IL1RAPL2: variants seen among roughly 807,000 people sequenced by gnomAD.
IL1RAPL2 encodes the protein interleukin 1 receptor accessory protein like 2, also known as X-linked interleukin-1 receptor accessory protein-like 2.
A neutral mutation model predicts 44.1 loss-of-function variants in IL1RAPL2; 3 were observed. The observed-to-expected ratio is 0.07, with a 90% confidence interval of 0.03 to 0.18. The LOEUF (loss-of-function observed/expected upper bound fraction) is 0.18, where lower values mean the gene tolerates loss of function less well. IL1RAPL2 is among the 10% of genes least tolerant of loss of function. IL1RAPL2 has a pLI of 1.00. For missense variants in IL1RAPL2, 391 were observed against 496.4 expected, an observed-to-expected ratio of 0.79 and a Z score of 2.02; for synonymous variants, 181 against 178.8, an observed-to-expected ratio of 1.01 and a Z score of -0.10.
intron 7 of IL1RAPL2, among the ~76,000 whole-genome samples, chrX:105,734,818 C>T (rs1025457922): frequency 1.2e-4 from 13 of 111,559 alleles, no homozygotes; most frequent in African/African-American, 3.3e-4. Context: ...AACTTAGTAG[C>T]GCTTATGTAG....
At chrX:104,584,884 A>G (rs1259289673) in intron 1 of IL1RAPL2, among the ~76,000 whole-genome samples, 1 of 109,800 alleles carries the variant, frequency 9.1e-6, no homozygotes, top group Non-Finnish European at 1.9e-5. Flanking sequence ...CTCAGTAAAA[A>G]CCCATTACTG....
intron 3 of IL1RAPL2, among the ~76,000 whole-genome samples, chrX:105,216,503 G>T (rs1460551266): frequency 9.0e-6 from 1 of 110,870 alleles, no homozygotes; most frequent in Non-Finnish European, 1.9e-5. Context: ...AATTAATATT[G>T]TGAAAGTGGC....
intron 2 of IL1RAPL2, among the ~76,000 whole-genome samples, chrX:104,973,903 AAT>A (rs1265385716): frequency 8.9e-6 from 1 of 112,066 alleles, no homozygotes; most frequent in Non-Finnish European, 1.9e-5. Context: ...TCTTGCAAAA[AAT>A]ATATTTTCTG....
intron 2 of IL1RAPL2, among the ~76,000 whole-genome samples, chrX:104,692,356 A>G (rs1445592355): frequency 1.8e-5 from 2 of 110,054 alleles, no homozygotes; most frequent in Admixed American, 9.8e-5. Flanking sequence ...TTATATATAT[A>G]TATATTTATT....
At chrX:105,219,858 C>A in intron 3 of IL1RAPL2, 1 of 1,076,184 alleles carries the variant, frequency 9.3e-7, no homozygotes, top group Non-Finnish European at 1.2e-6. Context: ...CGGGGCAGGG[C>A]GAAGCCATGG....
intron 2 of IL1RAPL2, among the ~76,000 whole-genome samples, chrX:104,840,762 C>T (rs1201987053): frequency 2.7e-5 from 3 of 110,113 alleles, no homozygotes; most frequent in East Asian, 5.7e-4. Flanking sequence ...GCAACCTCCA[C>T]CTCCTGGGTT....
chrX:105,654,402 C>T (rs749757600), intron 6 of IL1RAPL2, among the ~76,000 whole-genome samples: 1 of 110,996 alleles, frequency 9.0e-6, no homozygotes, highest in Non-Finnish European at 1.9e-5. Flanking sequence ...CTTACCTTAG[C>T]CTGTGAAACA....
intron 5 of IL1RAPL2, among the ~76,000 whole-genome samples, chrX:105,342,023 G>A (rs942390171): frequency 9.1e-6 from 1 of 109,508 alleles, no homozygotes; most frequent in Admixed American, 9.8e-5. Context: ...CATGGATGAA[G>A]CTGGAAACCA....
At chrX:104,812,116 G>A (rs925885259) in intron 2 of IL1RAPL2, among the ~76,000 whole-genome samples, 5 of 110,651 alleles carry the variant, frequency 4.5e-5, no homozygotes, top group African/African-American at 9.9e-5. Context: ...CATTTCAACC[G>A]ACAAACATTC....
At chrX:105,184,751 A>G (rs1214435474) in intron 2 of IL1RAPL2, among the ~76,000 whole-genome samples, 5 of 110,973 alleles carry the variant, frequency 4.5e-5, no homozygotes, top group African/African-American at 1.6e-4. Context: ...AGTGAAATTT[A>G]TAGGTAATAT....
At chrX:105,643,723 C>G (rs1332591505) in intron 6 of IL1RAPL2, among the ~76,000 whole-genome samples, 1 of 111,470 alleles carries the variant, frequency 9.0e-6, no homozygotes, top group Non-Finnish European at 1.9e-5. Flanking sequence ...CCTTTCATGT[C>G]CAGTCAGTCC....
chrX:105,373,236 T>C (rs891900522), intron 5 of IL1RAPL2, among the ~76,000 whole-genome samples: 2 of 112,562 alleles, frequency 1.8e-5, no homozygotes, highest in African/African-American at 6.5e-5. Flanking sequence ...TGAAATCACA[T>C]TGTGGTTTTG....
At chrX:105,069,110 A>G (rs1368270963) in intron 2 of IL1RAPL2, among the ~76,000 whole-genome samples, 2 of 111,760 alleles carry the variant, frequency 1.8e-5, no homozygotes, top group Non-Finnish European at 3.8e-5. Context: ...TAGGAAGTGA[A>G]GGAGGCTTCT....
chrX:104,835,577 C>T (rs1921721214), intron 2 of IL1RAPL2, among the ~76,000 whole-genome samples: 2 of 111,340 alleles, frequency 1.8e-5, no homozygotes, highest in South Asian at 3.8e-4. Flanking sequence ...TTTCCTAATA[C>T]TCCCAGTTCC....
chrX:105,404,396 A>G (rs1168998590), intron 5 of IL1RAPL2, among the ~76,000 whole-genome samples: 2 of 112,058 alleles, frequency 1.8e-5, no homozygotes, highest in East Asian at 5.6e-4. Flanking sequence ...CCCCTAGGTT[A>G]CCTCATCACA....
intron 5 of IL1RAPL2, among the ~76,000 whole-genome samples, chrX:105,301,513 C>T (rs142073349): frequency 9.0e-6 from 1 of 110,905 alleles, no homozygotes; most frequent in Non-Finnish European, 1.9e-5. Flanking sequence ...ATCTTCCCCC[C>T]GCCCTCCCAC....
At chrX:105,662,605 A>T (rs2037728653) in intron 6 of IL1RAPL2, among the ~76,000 whole-genome samples, 1 of 112,313 alleles carries the variant, frequency 8.9e-6, no homozygotes, top group Non-Finnish European at 1.9e-5. Flanking sequence ...TAACAAATAG[A>T]GTAAAACAAA....
rs963909691 is a variant in IL1RAPL2 at position 105,229,308 on chromosome X, A to G, written c.357-4510A>G. On this transcript the variant is annotated intron_variant, in intron 3 of 10. Coordinates refer to ENST00000372582, the MANE Select transcript of IL1RAPL2 (RefSeq NM_017416.2). ...AAATCAACCTGAGTTTCAGACTGTC[A>G]GGCAGCATTGATTATACCTCCCCCA... is the stretch of plus-strand genomic sequence containing the variant. Among the ~76,000 whole-genome samples, 10 of 112,477 alleles carry G rather than the reference A, an allele frequency of 8.9e-5. No individual in the cohort carries two copies. The Admixed American group carries it at 9.4e-4, about 11-fold the overall frequency.
chrX:104,729,447 C>CTTT (rs5903245), intron 2 of IL1RAPL2, among the ~76,000 whole-genome samples: 55 of 46,457 alleles, frequency 1.2e-3, no homozygotes, highest in South Asian at 2.2e-3. Flanking sequence ...GGCCTGCTGC[C>CTTT]TTTTTTTTTT....
Sources: allele counts gnomAD v4.1 joint callset (sites outside exome capture counted in the v4.1 genomes callset), GRCh38; gene constraint gnomAD v4.1.1; transcripts MANE v1.5; gene names NCBI Gene and HGNC (gene_info 2026-07-23, HGNC 2026-07-21).